RUNX1: variants seen among roughly 807,000 people sequenced by gnomAD.
The protein encoded by RUNX1 is runt-related transcription factor 1.
A neutral mutation model predicts 42.8 loss-of-function variants in RUNX1; 19 were observed. The ratio of observed to expected loss-of-function variants is 0.44; its 90% CI spans 0.31 to 0.65. The LOEUF is 0.65. RUNX1 is among the 30% of genes least tolerant of loss of function. The pLI is 0.07. For missense variants in RUNX1, 528 were observed against 672.0 expected (o/e 0.79, Z 2.37); for synonymous variants, 271 against 289.4 (o/e 0.94, Z 0.64).
rs375272638 is a variant in RUNX1, at chr21:34,974,529, T to C, written c.58+74313A>G. ...GCTGGACCTTGTTTTACATTTCATG[T>C]TCCATTTGGTTCTGTTTCCCAAACC... is the stretch of plus-strand genomic sequence containing the variant. On this transcript the variant is annotated intron_variant, in intron 2 of 8. Transcript: ENST00000675419. 4.6e-5 allele frequency among the ~76,000 whole-genome samples: 7 copies of C among 152,342 alleles called. No individual in the cohort carries two copies. The East Asian group carries it at 1.2e-3, about 25-fold the overall frequency.
At chr21:34,803,559 AT>A (rs1196152539) in intron 7 of RUNX1, among the ~76,000 whole-genome samples, 10 of 150,600 alleles carry the variant, frequency 6.6e-5, no homozygotes, top group African/African-American at 2.2e-4. Flanking sequence ...AAAAAAAAAA[AT>A]AATAATAAAT....
chr21:34,997,644 C>A (rs923875366), intron 2 of RUNX1, among the ~76,000 whole-genome samples: 2 of 152,082 alleles, frequency 1.3e-5, no homozygotes, highest in Admixed American at 6.5e-5. Context: ...GGGGCTTACA[C>A]CCCAGGCAGG....
At chr21:34,808,187 G>C (rs1271320360) in intron 7 of RUNX1, among the ~76,000 whole-genome samples, 1 of 152,244 alleles carries the variant, frequency 6.6e-6, no homozygotes, top group Non-Finnish European at 1.5e-5. Flanking sequence ...TCTCTGGCCG[G>C]CTGCAGACAT....
At chr21:34,796,700 C>T (rs1391184524) in intron 8 of RUNX1, among the ~76,000 whole-genome samples, 1 of 152,182 alleles carries the variant, frequency 6.6e-6, no homozygotes, top group East Asian at 1.9e-4. Context: ...GAGGATTAAA[C>T]AACCTGAGCA....
intron 2 of RUNX1, among the ~76,000 whole-genome samples, chr21:34,934,727 A>G (rs2058472904): frequency 6.6e-6 from 1 of 152,198 alleles, no homozygotes; most frequent in African/African-American, 2.4e-5. Flanking sequence ...AGAGGAGGGC[A>G]TAATGGATTC....
chr21:34,993,279 T>C (rs2058959732), intron 2 of RUNX1, among the ~76,000 whole-genome samples: 2 of 152,156 alleles, frequency 1.3e-5, no homozygotes. Context: ...AGCATACTGA[T>C]GTAGCTATAG....
At chr21:34,953,894 G>A (rs1485369553) in intron 2 of RUNX1, among the ~76,000 whole-genome samples, 1 of 152,186 alleles carries the variant, frequency 6.6e-6, no homozygotes, top group Admixed American at 6.5e-5. Context: ...GATGGAGGAA[G>A]ATAAGAAGTG....
At chr21:34,937,133 T>A (rs1421371707) in intron 2 of RUNX1, among the ~76,000 whole-genome samples, 1 of 152,136 alleles carries the variant, frequency 6.6e-6, no homozygotes, top group Non-Finnish European at 1.5e-5. Flanking sequence ...ACCTGTCACC[T>A]AATAAAGCCT....
intron 3 of RUNX1, chr21:34,887,943 A>C: frequency 9.4e-7 from 1 of 1,065,850 alleles, no homozygotes; most frequent in Non-Finnish European, 1.1e-6. Flanking sequence ...GCTAATCTTA[A>C]AACAACAATC....
chr21:35,048,748 C>A, intron 2 of RUNX1, 94 bp downstream of exon 2: 1 of 1,033,454 alleles, frequency 9.7e-7, no homozygotes, highest in Non-Finnish European at 1.5e-6. Context: ...CTGGCAGGCA[C>A]CGAGGCATCT....
chr21:35,011,074 G>T (rs1262807249), intron 2 of RUNX1, among the ~76,000 whole-genome samples: 1 of 152,126 alleles, frequency 6.6e-6, no homozygotes, highest in Non-Finnish European at 1.5e-5. Flanking sequence ...TTCCAGAGTC[G>T]ATTTGCTAGT....
chr21:34,986,458 G>A (rs755012466), intron 2 of RUNX1, among the ~76,000 whole-genome samples: 1 of 151,300 alleles, frequency 6.6e-6, no homozygotes, highest in Non-Finnish European at 1.5e-5. Flanking sequence ...AAAAGCCATG[G>A]TTCCCTATGT....
chr21:34,812,587 T>G (rs1036521086), intron 7 of RUNX1, among the ~76,000 whole-genome samples: 3 of 152,214 alleles, frequency 2.0e-5, no homozygotes, highest in African/African-American at 7.2e-5. Context: ...AGATCTCGAT[T>G]TAAAAAATGA....
At chr21:34,998,833 G>A (rs1325424816) in intron 2 of RUNX1, among the ~76,000 whole-genome samples, 2 of 152,130 alleles carry the variant, frequency 1.3e-5, no homozygotes, top group Non-Finnish European at 2.9e-5. Context: ...GAGCCACCGT[G>A]CCCGGCCTCT....
intron 7 of RUNX1, among the ~76,000 whole-genome samples, chr21:34,803,491 G>T (rs2056636738): frequency 6.6e-6 from 1 of 151,848 alleles, no homozygotes; most frequent in Admixed American, 6.6e-5. Context: ...AGCTTGCAGT[G>T]AGCCAAGATC....
chr21:34,876,074 G>T (rs1362127226), intron 5 of RUNX1, among the ~76,000 whole-genome samples: 1 of 152,206 alleles, frequency 6.6e-6, no homozygotes, highest in Non-Finnish European at 1.5e-5. Context: ...GGAGGTCAAT[G>T]TAAACACAAA....
chr21:35,039,734 T>C (rs1295875383), intron 2 of RUNX1, among the ~76,000 whole-genome samples: 1 of 152,164 alleles, frequency 6.6e-6, no homozygotes, highest in Admixed American at 6.5e-5. Flanking sequence ...TGATTGACAG[T>C]TGGATAGAAT....
intron 2 of RUNX1, among the ~76,000 whole-genome samples, chr21:35,023,906 AT>A (rs1160008905): frequency 6.6e-6 from 1 of 150,790 alleles, no homozygotes; most frequent in Non-Finnish European, 1.5e-5. Flanking sequence ...GGTGAAATAT[AT>A]TTTATTATAT....
chr21:34,816,306 C>T (rs781585655), intron 7 of RUNX1, among the ~76,000 whole-genome samples: 7 of 152,114 alleles, frequency 4.6e-5, no homozygotes, highest in Non-Finnish European at 7.4e-5. Flanking sequence ...AAGGAGAGAG[C>T]GTTCCTGCCC....
Sources: gnomAD v4.1 joint callset for allele counts (sites outside exome capture counted in the v4.1 genomes callset) on GRCh38, gnomAD v4.1.1 for gene constraint, MANE v1.5 for transcripts, NCBI Gene and HGNC (gene_info 2026-07-23, HGNC 2026-07-21) for gene names.